Variants in ATRNL1 observed in about 807,000 individuals in gnomAD.
ATRNL1 encodes attractin-like protein 1.
ATRNL1 carries 95 observed loss-of-function variants against 182.7 expected under a neutral mutation model. The observed-to-expected ratio is 0.52, with a 90% confidence interval of 0.44 to 0.62. The LOEUF (loss-of-function observed/expected upper bound fraction) is 0.62, where lower values mean the gene tolerates loss of function less well. ATRNL1 is among the 20% of genes least tolerant of loss of function. ATRNL1 has a pLI of 0.00. For missense variants in ATRNL1, 1,471 were observed against 1,679.5 expected (o/e 0.88, Z 2.17); for synonymous variants, 576 against 568.3 (o/e 1.01, Z -0.19).
intron 26 of ATRNL1, among the ~76,000 whole-genome samples, chr10:115,589,619 T>G (rs1592908304): frequency 6.6e-6 from 1 of 152,302 alleles, no homozygotes; most frequent in East Asian, 1.9e-4. Flanking sequence ...TAGGATGATA[T>G]ATTTTCTTGG....
At chr10:115,158,859 A>G (rs1337308825) in intron 5 of ATRNL1, among the ~76,000 whole-genome samples, 1 of 151,914 alleles carries the variant, frequency 6.6e-6, no homozygotes, top group East Asian at 1.9e-4. Flanking sequence ...TAAAGTTGGG[A>G]TTAAGTAGTA....
intron 10 of ATRNL1, among the ~76,000 whole-genome samples, chr10:115,255,479 A>G (rs1851082643): frequency 6.6e-6 from 1 of 152,170 alleles, no homozygotes; most frequent in Non-Finnish European, 1.5e-5. Context: ...ATTTTTGCAC[A>G]TTGATTTTGT....
intron 20 of ATRNL1, among the ~76,000 whole-genome samples, chr10:115,421,442 A>G (rs1006372590): frequency 2.6e-5 from 4 of 152,178 alleles, no homozygotes; most frequent in Admixed American, 6.5e-5. Flanking sequence ...AAGGACAAAA[A>G]CCATAGGATC....
intron 28 of ATRNL1, among the ~76,000 whole-genome samples, chr10:115,865,088 A>C (rs923702750): frequency 8.5e-5 from 13 of 152,176 alleles, no homozygotes; most frequent in African/African-American, 2.9e-4. Context: ...AAGACAAAGA[A>C]AGACTGAGGA....
At chr10:115,416,836 T>G (rs1308530361) in intron 20 of ATRNL1, among the ~76,000 whole-genome samples, 3 of 152,218 alleles carry the variant, frequency 2.0e-5, no homozygotes, top group African/African-American at 7.2e-5. Context: ...ATTAGAGAAA[T>G]GAGTTTGTAT....
At chr10:115,263,355 G>A (rs573840277) in intron 10 of ATRNL1, among the ~76,000 whole-genome samples, 27 of 151,804 alleles carry the variant, frequency 1.8e-4, no homozygotes, top group Middle Eastern at 3.4e-3. Context: ...AAGATAACAA[G>A]GGTTGACGAG....
intron 27 of ATRNL1, among the ~76,000 whole-genome samples, chr10:115,737,056 G>C (rs1047235278): frequency 6.6e-6 from 1 of 152,016 alleles, no homozygotes; most frequent in Non-Finnish European, 1.5e-5. Flanking sequence ...GTTTTATCTG[G>C]TTGCCTTGGA....
chr10:115,654,908 A>G (rs1196339446), intron 26 of ATRNL1, among the ~76,000 whole-genome samples: 27 of 152,266 alleles, frequency 1.8e-4, no homozygotes, highest in Non-Finnish European at 8.8e-5. Context: ...ACCTTAAGAG[A>G]CTGACAATTT....
At chr10:115,884,013 G>T (rs528072902) in intron 28 of ATRNL1, among the ~76,000 whole-genome samples, 5 of 152,334 alleles carry the variant, frequency 3.3e-5, no homozygotes, top group South Asian at 2.1e-4. Context: ...AAAGAATTGC[G>T]TGCATTTAGA....
rs1388455942 is a variant in ATRNL1, at chr10:115,281,544, AG to A, written c.2233+58del. Reference sequence around the variant, plus strand: ...ATGGTCTACAGATAAATACTGACATAGAAAAGTACATTTAGTAAGGACACTA... The same window carrying A: ...ATGGTCTACAGATAAATACTGACATAAAAAGTACATTTAGTAAGGACACTA... On this transcript the variant is annotated intron_variant, in intron 14 of 28. Transcript: ENST00000355044. 21 of 1,524,882 alleles carry A rather than the reference AG, an allele frequency of 1.4e-5. No individual in the cohort carries two copies. In the Admixed American group the frequency reaches 3.6e-4, roughly 26 times the overall value. The allele number at this position is 1,524,882 out of a possible 1,614,324, so 94.5% of individuals were successfully genotyped here. A position where few individuals can be genotyped will look rare whatever the true frequency, so the allele number is the denominator to read the frequency against.
intron 27 of ATRNL1, among the ~76,000 whole-genome samples, chr10:115,814,041 T>C (rs1025604334): frequency 6.6e-6 from 1 of 152,138 alleles, no homozygotes; most frequent in Non-Finnish European, 1.5e-5. Flanking sequence ...CCATTGTGTT[T>C]TGTTTTATGG....
chr10:115,112,264 ATAGAAT>A (rs1844290678), intron 1 of ATRNL1, among the ~76,000 whole-genome samples: 1 of 152,210 alleles, frequency 6.6e-6, no homozygotes, highest in Admixed American at 6.5e-5. Context: ...TCCTATCAAA[ATAGAAT>A]TAGAAAAAAA....
chr10:115,556,004 T>C lies in ATRNL1; in HGVS notation c.3795+6468T>C, dbSNP rs531050078. ...GCTTACAACTAGTAAAAGAAGAAGC[T>C]GTAACTTAAAACCAAGTCTGTCAGA... is the stretch of plus-strand genomic sequence containing the variant. On this transcript the variant is annotated intron_variant, in intron 26 of 28. Coordinates refer to ENST00000355044, the MANE Select transcript of ATRNL1 (RefSeq NM_207303.4). Among the ~76,000 whole-genome samples the C allele has an allele frequency of 5.9e-5, 9 of 152,140 alleles. No homozygotes were observed. In the South Asian group the frequency reaches 1.2e-3, roughly 21 times the overall value.
At chr10:115,781,337 A>G (rs1419970746) in intron 27 of ATRNL1, among the ~76,000 whole-genome samples, 1 of 152,212 alleles carries the variant, frequency 6.6e-6, no homozygotes, top group African/African-American at 2.4e-5. Context: ...TATGACCAGC[A>G]ATTCTCCTAG....
intron 8 of ATRNL1, among the ~76,000 whole-genome samples, chr10:115,185,507 T>C (rs2144191118): frequency 6.6e-6 from 1 of 152,048 alleles, no homozygotes; most frequent in East Asian, 1.9e-4. Flanking sequence ...TTAAAAACTA[T>C]TGAAAAAATA....
chr10:115,884,548 A>T (rs969910384), intron 28 of ATRNL1, among the ~76,000 whole-genome samples: 1 of 152,224 alleles, frequency 6.6e-6, no homozygotes, highest in Admixed American at 6.5e-5. Context: ...AGATAATATT[A>T]TGGGGAATCG....
At chr10:115,599,986 C>T (rs1856501329) in intron 26 of ATRNL1, among the ~76,000 whole-genome samples, 1 of 152,090 alleles carries the variant, frequency 6.6e-6, no homozygotes, top group Non-Finnish European at 1.5e-5. Flanking sequence ...TCACTCCTCA[C>T]TCCCATCTCC....
chr10:115,645,964 A>G (rs1859583466), intron 26 of ATRNL1, among the ~76,000 whole-genome samples: 1 of 151,658 alleles, frequency 6.6e-6, no homozygotes, highest in African/African-American at 2.4e-5. Flanking sequence ...TTTAGATCCC[A>G]TATTCTTTCA....
chr10:115,365,849 C>T (rs1857007671), intron 19 of ATRNL1, among the ~76,000 whole-genome samples: 1 of 152,092 alleles, frequency 6.6e-6, no homozygotes, highest in Non-Finnish European at 1.5e-5. Context: ...GATTCTTAAT[C>T]CTGAGTTCTA....
Sources: allele counts gnomAD v4.1 joint callset (sites outside exome capture counted in the v4.1 genomes callset), GRCh38; gene constraint gnomAD v4.1.1; transcripts MANE v1.5; gene names NCBI Gene and HGNC (gene_info 2026-07-23, HGNC 2026-07-21).